VCL: variants seen among roughly 807,000 people sequenced by gnomAD.
The protein encoded by VCL is epididymis luminal protein 114.
VCL carries 47 observed loss-of-function variants against 125.7 expected under a neutral mutation model. The observed-to-expected ratio is 0.37, with a 90% CI of 0.30 to 0.48. The LOEUF is 0.48. Among genes scored for constraint, VCL ranks in the 20% least tolerant of loss-of-function variants. The pLI, the probability that VCL is intolerant of heterozygous loss-of-function variation, is 0.99. For missense variants in VCL, 1,069 were observed against 1,455.5 expected (o/e 0.73, Z 4.32); for synonymous variants, 458 against 514.6 (o/e 0.89, Z 1.49).
intron 16 of VCL, among the ~76,000 whole-genome samples, chr10:74,106,130 C>CA (rs1222544443): frequency 6.6e-6 from 1 of 151,740 alleles, no homozygotes; most frequent in Non-Finnish European, 1.5e-5. Context: ...CCATGTTGGC[C>CA]AGGCTGGTCT....
Position 74,072,784 on chromosome 10 carries a change from A to C in VCL, c.554A>C (p.Gln185Pro). The change falls in exon 5 of 22, where the codon CAG becomes CCG. Residue 185 changes from glutamine to proline, a missense_variant. Gln to Pro is a moderately conservative substitution (Grantham distance 76). This residue lies in a region of VCL where 760 missense variants were observed against 928.9 expected (regional missense o/e 0.82). Coordinates refer to ENST00000211998, the MANE Select transcript of VCL (RefSeq NM_014000.3). ...GAGAGACAGCAGGAGCTCACTCACC[A>C]GGAGCACCGAGTGATGTTGGTGAAC... ...IDERQQELTH[Q>P]EHRVMLVNSM... 6.2e-7 allele frequency: 1 copy of C among 1,614,116 alleles called. No individual in the cohort carries two copies. The highest frequency in any genetic ancestry group is 1.1e-5 in the South Asian group (1 of 91,078).
intron 1 of VCL, among the ~76,000 whole-genome samples, chr10:74,037,402 C>T (rs960144777): frequency 6.6e-6 from 1 of 152,194 alleles, no homozygotes; most frequent in Non-Finnish European, 1.5e-5. Context: ...TAGGACATAC[C>T]TTTCTGCTTC....
intron 1 of VCL, among the ~76,000 whole-genome samples, chr10:74,006,391 A>G (rs1221731355): frequency 6.6e-6 from 1 of 152,258 alleles, no homozygotes; most frequent in Non-Finnish European, 1.5e-5. Context: ...GGACAAAGTA[A>G]GAGGGCAAAA....
At chr10:74,017,069 A>C (rs1372068213) in intron 1 of VCL, among the ~76,000 whole-genome samples, 1 of 71,092 alleles carries the variant, frequency 1.4e-5, no homozygotes, top group Non-Finnish European at 2.4e-5. Context: ...TTTTTTTGAG[A>C]CGGAGTCTCG....
rs375734753 is a variant in VCL, at chr10:74,028,474, G to A, written c.169-14609G>A. Among the ~76,000 whole-genome samples the A allele has an allele frequency of 1.4e-3, 200 of 145,986 alleles. 3 individuals carry two copies. In the South Asian group the frequency reaches 0.041, roughly 30 times the overall value. ...TGCAATGGCGTGATCTTGGCTCACT[G>A]CAACCTCTGCCTCCCGGGTTCAAGC... On this transcript the variant is annotated intron_variant, in intron 1 of 21. Transcript: ENST00000211998.
At position 74,097,797 on chromosome 10, in the gene VCL, A is replaced by G. The variant is rs1162540235; in HGVS notation, c.1872+465A>G. Among the ~76,000 whole-genome samples the G allele has an allele frequency of 1.3e-5, 2 of 152,130 alleles. No individual in the cohort carries two copies. Among genetic ancestry groups the G allele is most frequent in the African/African-American group, 4.8e-5 (2 of 41,420 alleles). On this transcript the variant is annotated intron_variant, in intron 13 of 21. Transcript: ENST00000211998. The surrounding 1 kb of genome is among the most constrained non-coding windows in gnomAD (Gnocchi z 4.1). ...TTAAATCAATCGATGTCATTCTTATACTCAGACCCTTCCAATGACTCCCCG... is the reference window on the plus strand; with the variant it reads ...TTAAATCAATCGATGTCATTCTTATGCTCAGACCCTTCCAATGACTCCCCG...
intron 5 of VCL, 78 bp downstream of exon 5, chr10:74,072,930 C>CTTTTG: frequency 1.3e-6 from 2 of 1,536,332 alleles, no homozygotes; most frequent in African/African-American, 2.9e-5. Flanking sequence ...ATTTTGTTTT[C>CTTTTG]TTTTGTTTTC....
Position 74,082,556 on chromosome 10 carries a change from G to A in VCL, c.874+12G>A. The A allele has an allele frequency of 6.2e-7, 1 of 1,613,684 alleles. No individual in the cohort carries two copies. The highest frequency in any genetic ancestry group is 8.5e-7 in the Non-Finnish European group (1 of 1,179,700). On this transcript the variant is annotated intron_variant, in intron 7 of 21. Coordinates refer to ENST00000211998, the MANE Select transcript of VCL (RefSeq NM_014000.3). ...TAGTGCCTCCCCAGGTAACCCTCTAGTTCTGCTTTTCTGATCAATACAACG... is the reference window on the plus strand; with the variant it reads ...TAGTGCCTCCCCAGGTAACCCTCTAATTCTGCTTTTCTGATCAATACAACG...
chr10:74,085,296 T>C (rs1481499115), intron 8 of VCL, among the ~76,000 whole-genome samples: 2 of 152,166 alleles, frequency 1.3e-5, no homozygotes, highest in Non-Finnish European at 2.9e-5. Flanking sequence ...CATAGGCTTA[T>C]GAAAAATAAA....
chr10:74,090,799 T>C (rs984767679), intron 10 of VCL, among the ~76,000 whole-genome samples: 14 of 151,414 alleles, frequency 9.2e-5, no homozygotes, highest in Admixed American at 8.5e-4. Flanking sequence ...TTTTTTTTTA[T>C]TTTTTATTTT....
intron 1 of VCL, among the ~76,000 whole-genome samples, chr10:74,034,319 T>A (rs1318117214): frequency 6.6e-6 from 1 of 152,188 alleles, no homozygotes; most frequent in Non-Finnish European, 1.5e-5. Context: ...CCACATCTCC[T>A]CTCTACCCAG....
At position 73,998,477 on chromosome 10, in the gene VCL, C is replaced by A. The variant is rs918271462; in HGVS notation, c.168+102C>A. ...TGGCCGGCTCGCTGGCCGTGGCTTTCCGCGTGGGTTCCGGAGCCAGGCGCC... is the reference window on the plus strand; with the variant it reads ...TGGCCGGCTCGCTGGCCGTGGCTTTACGCGTGGGTTCCGGAGCCAGGCGCC... On this transcript the variant is annotated intron_variant, in intron 1 of 21. Coordinates refer to ENST00000211998, the MANE Select transcript of VCL (RefSeq NM_014000.3). 2.8e-5 allele frequency: 34 copies of A among 1,215,992 alleles called. No homozygotes were observed. The Admixed American group carries it at 9.5e-4, about 34-fold the overall frequency. 75.3% of individuals were successfully genotyped at this position (1,215,992 alleles called of 1,614,324 possible). A position where few individuals can be genotyped will look rare whatever the true frequency, so the allele number is the denominator to read the frequency against.
At chr10:74,101,530 G>T (rs1840055838) in intron 14 of VCL, among the ~76,000 whole-genome samples, 2 of 148,726 alleles carry the variant, frequency 1.3e-5, no homozygotes, top group South Asian at 4.2e-4. Flanking sequence ...TTTTTACAAG[G>T]ACTATTTATT....
intron 11 of VCL, among the ~76,000 whole-genome samples, 197 bp from the exon 12 acceptor site, chr10:74,095,459 C>T (rs1237970805): frequency 6.6e-6 from 1 of 151,942 alleles, no homozygotes; most frequent in Non-Finnish European, 1.5e-5. Flanking sequence ...TATGGTGGTG[C>T]ACACTTGTAG....
Position 74,006,078 on chromosome 10 carries a change from G to A in VCL, c.168+7703G>A, listed in dbSNP as rs148312105. Among the ~76,000 whole-genome samples the A allele has an allele frequency of 5.9e-3, 894 of 152,048 alleles. 8 individuals are homozygous for A. The highest frequency in any genetic ancestry group is 9.7e-3 in the Non-Finnish European group (661 of 67,970). On this transcript the variant is annotated intron_variant, in intron 1 of 21. Transcript: ENST00000211998. ...TTTTTGTATTTTTAGTAGAGACAGC[G>A]TTTCACCTTGTTAGCCAGGCTGCTC...
chr10:73,998,732 C>T (rs767273046), intron 1 of VCL, among the ~76,000 whole-genome samples: 11 of 152,254 alleles, frequency 7.2e-5, no homozygotes, highest in Non-Finnish European at 1.5e-4. Flanking sequence ...GTCCCTGCCC[C>T]GCGCAGGCTT....
intron 1 of VCL, among the ~76,000 whole-genome samples, chr10:74,023,094 A>G (rs1390731376): frequency 6.6e-6 from 1 of 152,244 alleles, no homozygotes; most frequent in African/African-American, 2.4e-5. Flanking sequence ...TTGAGGAATG[A>G]AGATAAAAGG....
chr10:74,077,918 A>G (rs1839617535), intron 6 of VCL, among the ~76,000 whole-genome samples: 1 of 152,210 alleles, frequency 6.6e-6, no homozygotes, highest in Non-Finnish European at 1.5e-5. Context: ...TAAAAGTAAA[A>G]AGTTTCCTTT....
In VCL at chr10:74,066,061, A is replaced by ATATATATTT. The variant is rs1441211975; in HGVS notation, c.240-4608_240-4607insATATATTTT. On this transcript the variant is annotated intron_variant, in intron 2 of 21. Coordinates refer to ENST00000211998, the MANE Select transcript of VCL (RefSeq NM_014000.3). ...AATCAATTTTGGTATATATATATAT[A>ATATATATTT]TTTTTTTTTTTTTTTGAGATGGAGT... is the stretch of plus-strand genomic sequence containing the variant. Among the ~76,000 whole-genome samples the ATATATATTT allele has an allele frequency of 1.5e-3, 203 of 137,466 alleles. 1 individual carries two copies. Among genetic ancestry groups the ATATATATTT allele is most frequent in the African/African-American group, 5.1e-3 (195 of 37,966 alleles). 90.2% of individuals were successfully genotyped at this position (137,466 alleles called of 152,430 possible).
Sources: allele counts gnomAD v4.1 joint callset (sites outside exome capture counted in the v4.1 genomes callset), GRCh38; gene constraint gnomAD v4.1.1; regional missense constraint gnomAD v4.1.1; non-coding constraint Gnocchi (gnomAD v3.1); transcripts MANE v1.5; gene names NCBI Gene and HGNC (gene_info 2026-07-23, HGNC 2026-07-21).